GOLGA5: variants seen among roughly 807,000 people sequenced by gnomAD.
GOLGA5 encodes the protein golgin A5.
GOLGA5 carries 50 observed loss-of-function variants against 93.5 expected under a neutral mutation model. That is an observed-to-expected ratio of 0.53 (90% CI 0.43 to 0.68). The LOEUF (loss-of-function observed/expected upper bound fraction) is 0.68. GOLGA5 is among the 30% of genes least tolerant of loss of function. The pLI is 0.00. For missense variants in GOLGA5, 760 were observed against 856.4 expected (o/e 0.89, Z 1.40); for synonymous variants, 312 against 304.5 (o/e 1.02, Z -0.26).
At chr14:92,806,299 G>A (rs1884984555) in intron 2 of GOLGA5, among the ~76,000 whole-genome samples, 1 of 152,166 alleles carries the variant, frequency 6.6e-6, no homozygotes, top group African/African-American at 2.4e-5. Context: ...GAAGACTATT[G>A]AAAATTTGTT....
chr14:92,827,625 A>C (rs1289736042), intron 9 of GOLGA5, among the ~76,000 whole-genome samples: 1 of 152,230 alleles, frequency 6.6e-6, no homozygotes, highest in Non-Finnish European at 1.5e-5. Flanking sequence ...GATGTCTCTC[A>C]CATTAAGTGA....
intron 2 of GOLGA5, among the ~76,000 whole-genome samples, chr14:92,801,735 CTTTTTT>C (rs11388778): frequency 2.8e-5 from 4 of 143,258 alleles, no homozygotes; most frequent in Non-Finnish European, 6.1e-5. Context: ...TTCCCTTTTT[CTTTTTT>C]TTTTTTTTGC....
chr14:92,824,675 G>C (rs994071875), intron 9 of GOLGA5, 31 bp downstream of exon 9: 3 of 1,080,846 alleles, frequency 2.8e-6, no homozygotes, highest in African/African-American at 3.2e-5. Flanking sequence ...CTTGTGAAAA[G>C]ATGCCACTGA....
chr14:92,817,531 A>G (rs1350503907), intron 7 of GOLGA5, among the ~76,000 whole-genome samples: 1 of 152,206 alleles, frequency 6.6e-6, no homozygotes, highest in African/African-American at 2.4e-5. Flanking sequence ...ATTTAAAAGT[A>G]AAGTTGGGCC....
At position 92,819,575 on chromosome 14, in the gene GOLGA5, A is replaced by G. The variant is rs528938650; in HGVS notation, c.1492-133A>G. The G allele has an allele frequency of 5.8e-5, 45 of 769,990 alleles. No individual in the cohort carries two copies. In the African/African-American group the frequency reaches 7.0e-4, roughly 12 times the overall value. 47.7% of individuals were successfully genotyped at this position (769,990 alleles called of 1,614,324 possible). A position where few individuals can be genotyped will look rare whatever the true frequency, so the allele number is the denominator to read the frequency against. On this transcript the variant is annotated intron_variant, in intron 7 of 12. Coordinates refer to ENST00000163416, the MANE Select transcript of GOLGA5 (RefSeq NM_005113.4). Reference sequence around the variant, plus strand: ...TTGAGCCCAGGAGTTTGAGGCTGCCATGAACTGTGATTGTGCCACTGCACT... The same window carrying G: ...TTGAGCCCAGGAGTTTGAGGCTGCCGTGAACTGTGATTGTGCCACTGCACT...
At chr14:92,833,072 T>C (rs1885562790) in intron 9 of GOLGA5, 50 bp from the exon 10 acceptor site, 1 of 988,896 alleles carries the variant, frequency 1.0e-6, no homozygotes, top group South Asian at 1.3e-5. Context: ...ATTTCTGTAT[T>C]GTATGACTTT....
chr14:92,820,563 A>G (rs1822627904), intron 8 of GOLGA5, among the ~76,000 whole-genome samples: 1 of 152,214 alleles, frequency 6.6e-6, no homozygotes, highest in Admixed American at 6.5e-5. Context: ...GACCCTTGAC[A>G]GGTGTCGGGC....
chr14:92,805,887 T>C (rs1884973757), intron 2 of GOLGA5, among the ~76,000 whole-genome samples: 1 of 151,892 alleles, frequency 6.6e-6, no homozygotes, highest in African/African-American at 2.4e-5. Context: ...TTTAAAAGTA[T>C]ACTTGCATTA....
intron 9 of GOLGA5, among the ~76,000 whole-genome samples, chr14:92,832,845 A>G (rs140214379): frequency 3.2e-3 from 485 of 152,346 alleles, no homozygotes; most frequent in Middle Eastern, 0.014. Flanking sequence ...AAACTGAAAC[A>G]GGAGTTTCAC....
Position 92,810,417 on chromosome 14 carries a change from C to G in GOLGA5, c.1116+40C>G, listed in dbSNP as rs768472581. On this transcript the variant is annotated intron_variant, in intron 5 of 12. Coordinates refer to ENST00000163416, the MANE Select transcript of GOLGA5 (RefSeq NM_005113.4). ...CAGCAGATTCCTATTGTTACTTGGA[C>G]ACGGAAAAAATGACTTTATGCTGTT... The G allele has an allele frequency of 2.0e-6, 3 of 1,467,520 alleles. No individual in the cohort carries two copies. The South Asian group carries it at 4.2e-5, about 20-fold the overall frequency. The allele number at this position is 1,467,520 out of a possible 1,614,324, so 90.9% of individuals were successfully genotyped here.
At chr14:92,815,284 A>G (rs144481729) in intron 6 of GOLGA5, among the ~76,000 whole-genome samples, 3 of 152,168 alleles carry the variant, frequency 2.0e-5, no homozygotes, top group Admixed American at 1.3e-4. Flanking sequence ...CAAGGCCAAC[A>G]TTTATGCTCT....
At chr14:92,824,448 AC>A in intron 8 of GOLGA5, 97 bp from the exon 9 acceptor site, 1 of 662,564 alleles carries the variant, frequency 1.5e-6, no homozygotes, top group Non-Finnish European at 2.7e-6. Flanking sequence ...TTCAGCACAT[AC>A]TGATTGTCTA....
chr14:92,835,191 C>G (rs1178702998), intron 10 of GOLGA5, among the ~76,000 whole-genome samples: 1 of 152,160 alleles, frequency 6.6e-6, no homozygotes, highest in South Asian at 2.1e-4. Flanking sequence ...GATGAAGCCT[C>G]TGGGCTGGAG....
intron 10 of GOLGA5, 33 bp from the exon 11 acceptor site, chr14:92,835,526 T>C: frequency 7.2e-7 from 1 of 1,385,886 alleles, no homozygotes; most frequent in Non-Finnish European, 1.0e-6. Context: ...AATTTTTATG[T>C]CAGTACACTA....
At chr14:92,835,303 A>C (rs1276155177) in intron 10 of GOLGA5, among the ~76,000 whole-genome samples, 2 of 152,220 alleles carry the variant, frequency 1.3e-5, no homozygotes, top group African/African-American at 4.8e-5. Context: ...GTCAACGCTT[A>C]GTATTTGTAA....
chr14:92,818,110 T>C (rs1387634808), intron 7 of GOLGA5, among the ~76,000 whole-genome samples: 1 of 152,192 alleles, frequency 6.6e-6, no homozygotes, highest in Non-Finnish European at 1.5e-5. Context: ...TTCATGTCTT[T>C]TTGGTGAGAT....
chr14:92,828,781 GC>G (rs1261088590), intron 9 of GOLGA5, among the ~76,000 whole-genome samples: 1 of 151,822 alleles, frequency 6.6e-6, no homozygotes, highest in East Asian at 1.9e-4. Flanking sequence ...CAATTCTTGT[GC>G]CTTGGTCTCC....
intron 2 of GOLGA5, 53 bp downstream of exon 2, chr14:92,798,034 A>G (rs1336707865): frequency 1.8e-5 from 20 of 1,130,062 alleles, no homozygotes; most frequent in Non-Finnish European, 2.6e-5. Flanking sequence ...TGAATGTGTC[A>G]TCATATGATC....
chr14:92,824,347 C>G (rs1156729493), intron 8 of GOLGA5, among the ~76,000 whole-genome samples, 199 bp from the exon 9 acceptor site: 17 of 152,144 alleles, frequency 1.1e-4, no homozygotes, highest in Non-Finnish European at 4.4e-5. Flanking sequence ...GAAGTGCCAG[C>G]TTTTCATCAG....
Sources: allele counts gnomAD v4.1 joint callset (sites outside exome capture counted in the v4.1 genomes callset), GRCh38; gene constraint gnomAD v4.1.1; transcripts MANE v1.5; gene names NCBI Gene and HGNC (gene_info 2026-07-23, HGNC 2026-07-21).